The following NLRP5 variants were observed in gnomAD, a reference collection of about 807,000 sequenced individuals.
NLRP5 encodes the protein NACHT, LRR and PYD domains-containing protein 5.
A neutral mutation model predicts 113.1 loss-of-function variants in NLRP5; 93 were observed. That is an observed-to-expected ratio of 0.82 (90% CI 0.70 to 0.98). The LOEUF is 0.98. Among genes scored for constraint, NLRP5 ranks in the 50% least tolerant of loss-of-function variants. NLRP5 has a pLI of 0.00. For missense variants in NLRP5, 1,808 were observed against 1,514.3 expected (o/e 1.19, Z -3.22); for synonymous variants, 751 against 600.7 (o/e 1.25, Z -3.66).
At position 56,026,977 on chromosome 19, in the gene NLRP5, T is replaced by C; in HGVS notation, c.744T>C (p.Asp248=). 1.9e-6 allele frequency: 3 copies of C among 1,551,748 alleles called. No individual in the cohort carries two copies. The highest frequency in any genetic ancestry group is 2.4e-5 in the East Asian group (1 of 40,924). The stretch of plus-strand genomic sequence containing the variant: ...TGACCAAATTCGCTGAGGAGGAGGA[T>C]GTACGTCGTAGTTTTGAAAACACTG... Residue 248 remains aspartate, a synonymous_variant, in exon 7 of 15, where the codon GAT becomes GAC. Transcript: ENST00000390649.
rs141696788 is a variant in NLRP5, at chr19:56,041,030, C to A, written c.2895C>A (p.Asn965Lys). The A allele has an allele frequency of 2.5e-6, 4 of 1,613,972 alleles. No individual in the cohort carries two copies. Among genetic ancestry groups the A allele is most frequent in the South Asian group, 2.2e-5 (2 of 91,082 alleles). ...GCCTATCCAACAACAGCCTGGGGAA[C>A]GAAGGTGTAAATCTACTGTGTCGAT... The change falls in exon 11 of 15, where the codon AAC becomes AAA. Residue 965 changes from asparagine (N) to lysine (K), a missense_variant. Transcript: ENST00000390649.
In NLRP5 at chr19:56,028,100, C is replaced by A. The variant is rs374644375; in HGVS notation, c.1867C>A (p.Gln623Lys). The change falls in exon 7 of 15, where the codon CAG becomes AAG. Residue 623 changes from glutamine (Q) to lysine (K), a missense_variant. Coordinates refer to ENST00000390649, the MANE Select transcript of NLRP5 (RefSeq NM_153447.4). ...GACAAAGAGGTCCATGGAGCTTAAA[C>A]AGGCAGGCTTCCATATCCACTCGCT... The A allele has an allele frequency of 6.2e-7, 1 of 1,613,928 alleles. No homozygotes were observed. The highest frequency in any genetic ancestry group is 8.5e-7 in the Non-Finnish European group (1 of 1,179,892).
At chr19:56,018,839 T>A (rs10404118) in intron 4 of NLRP5, 1,731 of 153,982 alleles carry the variant, frequency 0.011, 36 homozygotes, top group African/African-American at 0.038. Context: ...TATTATTATT[T>A]TTGGAGTGCA....
At chr19:55,988,625 C>T in the NLRP5 span, 1 of 151,818 alleles carries the variant, frequency 6.6e-6, no homozygotes, top group Non-Finnish European at 1.5e-5. Context: ...ATCACTGTCC[C>T]TAGACCATAC....
upstream of NLRP5, among the ~76,000 whole-genome samples, chr19:55,997,187 G>GT (rs966021148): frequency 2.6e-5 from 4 of 151,618 alleles, no homozygotes; most frequent in East Asian, 1.9e-4. Context: ...GGGGTTGTTT[G>GT]TTTTTTTTCT....
upstream of NLRP5, chr19:55,999,655 T>G (rs1568478900): frequency 6.2e-6 from 7 of 1,131,484 alleles, no homozygotes. Flanking sequence ...AAGAGGCAGG[T>G]ACTCTGATTT....
At position 56,033,573 on chromosome 19, in the gene NLRP5, C is replaced by G; in HGVS notation, c.2479C>G (p.Gln827Glu). 1 of 1,613,640 alleles carries G rather than the reference C, an allele frequency of 6.2e-7. No individual in the cohort carries two copies. The highest frequency in any genetic ancestry group is 8.5e-7 in the Non-Finnish European group (1 of 1,179,632). Residue 827 changes from glutamine to glutamate, a missense_variant, in exon 9 of 15, where the codon CAG becomes GAG. Physicochemically the swap from Gln to Glu is conservative, Grantham distance 29 (BLOSUM62 2). Coordinates refer to ENST00000390649, the MANE Select transcript of NLRP5 (RefSeq NM_153447.4). ...AAATGCACAGATTACCCCTGGTGTG[C>G]AGCACCTCTGGAGAATCGTCATGGC...
intron 2 of NLRP5, among the ~76,000 whole-genome samples, chr19:56,005,346 TACAC>T (rs556568184): frequency 0.094 from 13,405 of 142,990 alleles, 686 homozygotes; most frequent in South Asian, 0.14. Context: ...CACATACACA[TACAC>T]ATATATTTTT....
chr19:56,030,367 C>A (rs936254839), intron 7 of NLRP5, among the ~76,000 whole-genome samples: 5 of 151,528 alleles, frequency 3.3e-5, no homozygotes, highest in African/African-American at 9.7e-5. Flanking sequence ...GAGACTCTAT[C>A]TCAAAAAAAA....
intron 3 of NLRP5, 46 bp downstream of exon 3, chr19:56,008,899 A>G (rs755199866): frequency 1.3e-6 from 2 of 1,541,936 alleles, no homozygotes; most frequent in Non-Finnish European, 1.8e-6. Context: ...TTAAAGACAC[A>G]TGGCAGCCAG....
the NLRP5 span, among the ~76,000 whole-genome samples, chr19:55,990,372 A>G: frequency 1.3e-5 from 2 of 152,012 alleles, no homozygotes; most frequent in African/African-American, 4.8e-5. Context: ...TACAAAAGTC[A>G]TATGCAGTTT....
At chr19:55,991,024 A>G in the NLRP5 span, among the ~76,000 whole-genome samples, 1 of 152,096 alleles carries the variant, frequency 6.6e-6, no homozygotes, top group Non-Finnish European at 1.5e-5. Flanking sequence ...GATCATTATC[A>G]TGGATTGGAA....
intron 10 of NLRP5, among the ~76,000 whole-genome samples, chr19:56,039,453 C>T (rs1049673711): frequency 6.6e-6 from 1 of 152,146 alleles, no homozygotes; most frequent in Non-Finnish European, 1.5e-5. Context: ...GTGAGACATC[C>T]AGGCTCAGAG....
intron 11 of NLRP5, among the ~76,000 whole-genome samples, chr19:56,050,056 G>C (rs2123334846): frequency 6.6e-6 from 1 of 152,216 alleles, no homozygotes; most frequent in South Asian, 2.1e-4. Flanking sequence ...AAGGTGGGCA[G>C]ATCACCTGAG....
At position 56,027,943 on chromosome 19, in the gene NLRP5, T is replaced by C. The variant is rs772027970; in HGVS notation, c.1710T>C (p.Leu570=). 12 of 1,613,778 alleles carry C rather than the reference T, an allele frequency of 7.4e-6. No individual in the cohort carries two copies. The highest frequency in any genetic ancestry group is 1.3e-5 in the African/African-American group (1 of 74,928). ...GTGCTCTGTTTCACATGAACATCCT[T>C]CTCCCAGACAGCCACTGTGAGGAGT... The change falls in exon 7 of 15, where the codon CTT becomes CTC. Residue 570 remains leucine, a synonymous_variant. Transcript: ENST00000390649.
At chr19:56,032,438 G>T (rs897773216) in intron 7 of NLRP5, among the ~76,000 whole-genome samples, 173 bp from the exon 8 acceptor site, 1 of 152,110 alleles carries the variant, frequency 6.6e-6, no homozygotes, top group Admixed American at 6.6e-5. Context: ...GAGGCAGGGT[G>T]GACACCGGGC....
chr19:56,002,105 G>A (rs73066196), intron 1 of NLRP5, among the ~76,000 whole-genome samples: 5,217 of 152,254 alleles, frequency 0.034, 108 homozygotes, highest in Admixed American at 0.059. Context: ...GGTCCTGGAC[G>A]TGCACCTATA....
chr19:55,993,733 C>T, the NLRP5 span, among the ~76,000 whole-genome samples: 1 of 149,244 alleles, frequency 6.7e-6, no homozygotes, highest in Admixed American at 6.7e-5. Context: ...ATTTAGTTTC[C>T]CATGCCTGGT....
In NLRP5 at chr19:56,055,562, TTAAGA is replaced by T. The variant is rs1246073642; in HGVS notation, c.3299+1757_3299+1761del. Among the ~76,000 whole-genome samples the T allele has an allele frequency of 2.3e-5, 3 of 133,188 alleles. No homozygotes were observed. The East Asian group carries it at 6.7e-4, about 30-fold the overall frequency. The allele number at this position is 133,188 out of a possible 152,430, so 87.4% of individuals were successfully genotyped here. Reference sequence around the variant, plus strand: ...CTTTTTTTTTTTTTTTTTTTTTTTTTTAAGATAGAGTCTTGCTCTGTCCCCCAGGC... The same window carrying T: ...CTTTTTTTTTTTTTTTTTTTTTTTTTTAGAGTCTTGCTCTGTCCCCCAGGC... On this transcript the variant is annotated intron_variant, in intron 13 of 14. Transcript: ENST00000390649.
Sources: allele counts gnomAD v4.1 joint callset (sites outside exome capture counted in the v4.1 genomes callset), GRCh38; gene constraint gnomAD v4.1.1; transcripts MANE v1.5; gene names NCBI Gene and HGNC (gene_info 2026-07-23, HGNC 2026-07-21).